Variants in COG5 observed in about 807,000 individuals in gnomAD.
The protein encoded by COG5 is conserved oligomeric Golgi complex subunit 5.
A neutral mutation model predicts 110.4 loss-of-function variants in COG5; 86 were observed. The observed-to-expected ratio is 0.78, with a 90% CI of 0.65 to 0.93. The LOEUF is 0.93. Ranked by LOEUF, COG5 falls within the 40% of genes least tolerant of loss-of-function variation. The pLI is 0.00. For missense variants in COG5, 1,077 were observed against 987.0 expected (o/e 1.09, Z -1.22); for synonymous variants, 360 against 334.6 (o/e 1.08, Z -0.83).
At chr7:107,381,422 T>A (rs571886059) in intron 7 of COG5, among the ~76,000 whole-genome samples, 41 of 152,244 alleles carry the variant, frequency 2.7e-4, no homozygotes, top group Non-Finnish European at 4.4e-4. Context: ...TTCCAAATTG[T>A]ATGGAATTTC....
intron 12 of COG5, among the ~76,000 whole-genome samples, chr7:107,289,925 C>T (rs1806024381): frequency 6.6e-6 from 1 of 152,074 alleles, no homozygotes; most frequent in African/African-American, 2.4e-5. Context: ...TTGAGTTATG[C>T]AAAAAAACTG....
At position 107,230,856 on chromosome 7, in the gene COG5, C is replaced by A. The variant is rs141738711; in HGVS notation, c.2092-165G>T. On this transcript the variant is annotated intron_variant, in intron 18 of 21. Coordinates refer to ENST00000297135, the MANE Select transcript of COG5 (RefSeq NM_006348.5). ...AAATTTATTAAAAGGTAAGCACTTA[C>A]ATAATTTTTGCATTTATTTACTAAG... is the stretch of plus-strand genomic sequence containing the variant. 1.6e-3 allele frequency among the ~76,000 whole-genome samples: 246 copies of A among 151,962 alleles called. 1 individual carries two copies. Among genetic ancestry groups the A allele is most frequent in the African/African-American group, 5.5e-3 (229 of 41,460 alleles).
At chr7:107,387,435 C>T (rs568788555) in intron 7 of COG5, among the ~76,000 whole-genome samples, 29 of 152,300 alleles carry the variant, frequency 1.9e-4, no homozygotes, top group African/African-American at 3.1e-4. Context: ...TCTCCAGCTC[C>T]GCAGGAAGCC....
intron 6 of COG5, among the ~76,000 whole-genome samples, chr7:107,511,521 G>A (rs1329711216): frequency 6.6e-6 from 1 of 152,172 alleles, no homozygotes; most frequent in Non-Finnish European, 1.5e-5. Context: ...TAGAAAAAGA[G>A]GGAATCCTCC....
At chr7:107,400,691 C>A (rs571239741) in intron 7 of COG5, among the ~76,000 whole-genome samples, 1 of 152,052 alleles carries the variant, frequency 6.6e-6, no homozygotes, top group South Asian at 2.1e-4. Flanking sequence ...ACCAAAATAC[C>A]CTAAGTCTAA....
intron 6 of COG5, among the ~76,000 whole-genome samples, chr7:107,427,969 T>C (rs1793763177): frequency 6.6e-6 from 1 of 152,092 alleles, no homozygotes; most frequent in Non-Finnish European, 1.5e-5. Context: ...GAAGCTTTTA[T>C]GGGCTCAGAA....
chr7:107,402,969 T>C (rs1047091634), intron 7 of COG5, among the ~76,000 whole-genome samples: 1 of 152,208 alleles, frequency 6.6e-6, no homozygotes, highest in Non-Finnish European at 1.5e-5. Context: ...CCTCCATATC[T>C]AAACAGTCAT....
At chr7:107,482,245 C>A (rs770657712) in intron 6 of COG5, among the ~76,000 whole-genome samples, 7 of 151,590 alleles carry the variant, frequency 4.6e-5, no homozygotes, top group South Asian at 2.1e-4. Flanking sequence ...GAGGCTCAAG[C>A]GATTCTCACA....
At chr7:107,497,522 T>G (rs1194560224) in intron 6 of COG5, among the ~76,000 whole-genome samples, 1 of 152,050 alleles carries the variant, frequency 6.6e-6, no homozygotes, top group Non-Finnish European at 1.5e-5. Flanking sequence ...GAAAAAGATA[T>G]TAAGAAAACA....
At chr7:107,488,771 C>T (rs1025736605) in intron 6 of COG5, among the ~76,000 whole-genome samples, 7 of 151,994 alleles carry the variant, frequency 4.6e-5, no homozygotes, top group African/African-American at 1.7e-4. Context: ...CACCTAAGCC[C>T]AGGAGGCAGA....
rs1806245341 is a variant in COG5, at chr7:107,292,364, T to TTA, written c.1313+5776_1313+5777dup. 3.3e-5 allele frequency among the ~76,000 whole-genome samples: 5 copies of TTA among 152,160 alleles called. No individual in the cohort carries two copies. The South Asian group carries it at 1.0e-3, about 32-fold the overall frequency. ...CCTGCCTCTACCCAAGTAAAAATCTTTATGCCAGGGCTCTGGACCTGAGGG... is the reference window on the plus strand; with the variant it reads ...CCTGCCTCTACCCAAGTAAAAATCTTTATATGCCAGGGCTCTGGACCTGAGGG... On this transcript the variant is annotated intron_variant, in intron 12 of 21. Coordinates refer to ENST00000297135, the MANE Select transcript of COG5 (RefSeq NM_006348.5).
chr7:107,264,123 T>C (rs1803597071), intron 14 of COG5, among the ~76,000 whole-genome samples: 1 of 152,148 alleles, frequency 6.6e-6, no homozygotes. Context: ...CTTCTAGTGG[T>C]CTATTTATGC....
chr7:107,560,800 T>C (rs931535380), intron 1 of COG5, among the ~76,000 whole-genome samples: 24 of 152,224 alleles, frequency 1.6e-4, no homozygotes, highest in Admixed American at 1.6e-3. Flanking sequence ...ATACAGGTTA[T>C]GGAATGGCAT....
chr7:107,447,074 C>T (rs1344911291), intron 6 of COG5, among the ~76,000 whole-genome samples: 1 of 152,176 alleles, frequency 6.6e-6, no homozygotes, highest in African/African-American at 2.4e-5. Flanking sequence ...AGGTTTTTGA[C>T]AAGGTTCAGT....
At chr7:107,236,361 T>A (rs1445890154) in intron 18 of COG5, 89 bp downstream of exon 18, 2 of 1,020,412 alleles carry the variant, frequency 2.0e-6, no homozygotes, top group African/African-American at 1.6e-5. Flanking sequence ...TGCAACTCTT[T>A]AAAAACACCG....
At chr7:107,548,045 A>T in intron 5 of COG5, 66 bp downstream of exon 5, 1 of 1,331,638 alleles carries the variant, frequency 7.5e-7, no homozygotes, top group Non-Finnish European at 1.1e-6. Context: ...TCATACTCTT[A>T]AATTTTGTCC....
chr7:107,321,442 G>C (rs1472036946), intron 11 of COG5, among the ~76,000 whole-genome samples: 1 of 151,946 alleles, frequency 6.6e-6, no homozygotes, highest in Non-Finnish European at 1.5e-5. Context: ...AATTATTGGA[G>C]GAACAAAATT....
intron 8 of COG5, among the ~76,000 whole-genome samples, chr7:107,367,569 T>C (rs2299423): frequency 6.6e-5 from 10 of 150,710 alleles, no homozygotes; most frequent in Admixed American, 1.3e-4. Context: ...TGTATATATA[T>C]ACACACACAC....
chr7:107,505,325 C>A (rs1264879048), intron 6 of COG5, among the ~76,000 whole-genome samples: 2 of 152,136 alleles, frequency 1.3e-5, no homozygotes, highest in African/African-American at 2.4e-5. Context: ...GTGAAACACA[C>A]TGAGGTCTTA....
Sources: allele counts gnomAD v4.1 joint callset (sites outside exome capture counted in the v4.1 genomes callset), GRCh38; gene constraint gnomAD v4.1.1; transcripts MANE v1.5; gene names NCBI Gene and HGNC (gene_info 2026-07-23, HGNC 2026-07-21).